The following GALNT13 variants were observed in gnomAD, a reference collection of about 807,000 sequenced individuals.
GALNT13 encodes the protein polypeptide N-acetylgalactosaminyltransferase 13, also known as UDP-GalNAc:polypeptide N-acetylgalactosaminyltransferase 13.
A neutral mutation model predicts 64.2 loss-of-function variants in GALNT13; 28 were observed. The ratio of observed to expected loss-of-function variants is 0.44; its 90% CI spans 0.32 to 0.60. The LOEUF (loss-of-function observed/expected upper bound fraction) is 0.60, where lower values mean the gene tolerates loss of function less well. Ranked by LOEUF, GALNT13 falls within the 20% of genes least tolerant of loss-of-function variation. The pLI, the probability that GALNT13 is intolerant of heterozygous loss-of-function variation, is 0.05. For missense variants in GALNT13, 577 were observed against 669.8 expected (o/e 0.86, Z 1.53); for synonymous variants, 214 against 224.6 (o/e 0.95, Z 0.42).
the GALNT13 span, among the ~76,000 whole-genome samples, chr2:153,456,710 C>T: frequency 6.6e-6 from 1 of 152,108 alleles, no homozygotes; most frequent in Non-Finnish European, 1.5e-5. Flanking sequence ...ATATTCCTAT[C>T]GTGCAAATGA....
At chr2:153,173,771 T>G in the GALNT13 span, among the ~76,000 whole-genome samples, 1 of 152,136 alleles carries the variant, frequency 6.6e-6, no homozygotes, top group Admixed American at 6.5e-5. Context: ...CTAAACACTA[T>G]CAAATCAAAG....
intron 4 of GALNT13, among the ~76,000 whole-genome samples, chr2:154,194,363 T>C (rs1380914029): frequency 5.9e-5 from 9 of 152,232 alleles, no homozygotes; most frequent in Admixed American, 3.3e-4. Context: ...CCAATTTTTT[T>C]CCTATGCCAT....
At chr2:153,894,556 A>AAG (rs1180954892) in intron 1 of GALNT13, among the ~76,000 whole-genome samples, 18 of 151,974 alleles carry the variant, frequency 1.2e-4, no homozygotes, top group African/African-American at 4.3e-4. Context: ...GTCAAATTAA[A>AAG]AGAGAGAGAG....
chr2:153,151,723 C>T, the GALNT13 span, among the ~76,000 whole-genome samples: 27 of 151,772 alleles, frequency 1.8e-4, no homozygotes, highest in South Asian at 2.7e-3. Flanking sequence ...AGCAAACTAT[C>T]GCAAGGACAA....
chr2:153,598,680 A>G, the GALNT13 span, among the ~76,000 whole-genome samples: 1 of 152,062 alleles, frequency 6.6e-6, no homozygotes, highest in Non-Finnish European at 1.5e-5. Flanking sequence ...AGTAAAATCA[A>G]TTTTTATAAG....
chr2:154,137,808 C>T (rs759905075), intron 3 of GALNT13, among the ~76,000 whole-genome samples: 4 of 151,936 alleles, frequency 2.6e-5, no homozygotes, highest in Non-Finnish European at 4.4e-5. Context: ...AGTTTACAGA[C>T]GGTGAAAGGG....
chr2:153,807,242 C>CATAT, the GALNT13 span, among the ~76,000 whole-genome samples: 913 of 150,768 alleles, frequency 6.1e-3, 8 homozygotes, highest in African/African-American at 0.017. Flanking sequence ...GATAGATAGA[C>CATAT]ATATATATAT....
At chr2:153,817,441 A>G in the GALNT13 span, among the ~76,000 whole-genome samples, 1 of 152,270 alleles carries the variant, frequency 6.6e-6, no homozygotes. Flanking sequence ...CTCATCCCCC[A>G]CCATCTCCCA....
At chr2:154,424,481 C>T (rs1369821941) in intron 11 of GALNT13, among the ~76,000 whole-genome samples, 1 of 152,148 alleles carries the variant, frequency 6.6e-6, no homozygotes, top group Non-Finnish European at 1.5e-5. Context: ...TGTTGTTTCT[C>T]CCCTTGCTTC....
At position 153,876,601 on chromosome 2, in the gene GALNT13, C is replaced by A. The variant is rs888976694; in HGVS notation, c.-177+4298C>A. On this transcript the variant is annotated intron_variant, in intron 1 of 12. Transcript: ENST00000392825. ...TTTCTTCTTGATTTCATATTTAGAC[C>A]TGTGTCTGTGTTTTCAGTGTAGTGT... Among the ~76,000 whole-genome samples the A allele has an allele frequency of 2.0e-5, 3 of 152,080 alleles. No homozygotes were observed. In the East Asian group the frequency reaches 5.8e-4, roughly 29 times the overall value.
At chr2:154,384,359 C>T (rs1698410185) in intron 9 of GALNT13, among the ~76,000 whole-genome samples, 1 of 151,772 alleles carries the variant, frequency 6.6e-6, no homozygotes, top group Admixed American at 6.6e-5. Context: ...TAAATAAAGA[C>T]ACCTATTTAA....
At chr2:154,403,175 C>A (rs987529461) in intron 10 of GALNT13, among the ~76,000 whole-genome samples, 1 of 152,042 alleles carries the variant, frequency 6.6e-6, no homozygotes, top group Admixed American at 6.6e-5. Flanking sequence ...GATTTTAGGC[C>A]AGGCATGGTG....
chr2:154,051,797 A>C (rs905037478), intron 3 of GALNT13, among the ~76,000 whole-genome samples: 1 of 152,212 alleles, frequency 6.6e-6, no homozygotes, highest in Non-Finnish European at 1.5e-5. Flanking sequence ...TCACTCCAGC[A>C]TGTGAGCTAT....
the GALNT13 span, among the ~76,000 whole-genome samples, chr2:153,307,853 T>G: frequency 6.6e-6 from 1 of 152,132 alleles, no homozygotes; most frequent in Non-Finnish European, 1.5e-5. Flanking sequence ...TATCTCAAAT[T>G]GTTATCCTTA....
the GALNT13 span, among the ~76,000 whole-genome samples, chr2:153,188,084 A>T: frequency 1.3e-5 from 2 of 152,050 alleles, no homozygotes; most frequent in African/African-American, 4.8e-5. Context: ...ATATATAAAA[A>T]TATACAGTAA....
chr2:153,526,469 G>C, the GALNT13 span, among the ~76,000 whole-genome samples: 1 of 152,192 alleles, frequency 6.6e-6, no homozygotes, highest in African/African-American at 2.4e-5. Context: ...CACCTCAAGA[G>C]TCTGAAAGAA....
chr2:154,099,863 C>T (rs1702259761), intron 3 of GALNT13, among the ~76,000 whole-genome samples: 1 of 152,110 alleles, frequency 6.6e-6, no homozygotes. Context: ...TCACTTGAGC[C>T]TGGTAGGTTG....
chr2:154,355,412 G>C (rs1480034836), intron 9 of GALNT13, among the ~76,000 whole-genome samples: 1 of 152,084 alleles, frequency 6.6e-6, no homozygotes, highest in Non-Finnish European at 1.5e-5. Context: ...CAAGATATGA[G>C]TTCTTAAATA....
At chr2:153,151,283 A>G in the GALNT13 span, among the ~76,000 whole-genome samples, 1 of 152,104 alleles carries the variant, frequency 6.6e-6, no homozygotes, top group Non-Finnish European at 1.5e-5. Context: ...ACAATGAGAT[A>G]CCATCTTACA....
Sources: allele counts gnomAD v4.1 joint callset (sites outside exome capture counted in the v4.1 genomes callset), GRCh38; gene constraint gnomAD v4.1.1; transcripts MANE v1.5; gene names NCBI Gene and HGNC (gene_info 2026-07-23, HGNC 2026-07-21).